The following RNF217 variants were observed in gnomAD, a reference collection of about 807,000 sequenced individuals.
RNF217 encodes ring finger protein 217, also known as E3 ubiquitin-protein ligase RNF217.
A neutral mutation model predicts 57.8 loss-of-function variants in RNF217; 31 were observed. That is an observed-to-expected ratio of 0.54 (90% CI 0.40 to 0.72). The LOEUF is 0.72. Among genes scored for constraint, RNF217 ranks in the 30% least tolerant of loss-of-function variants. RNF217 has a pLI of 0.00. For missense variants in RNF217, 696 were observed against 708.3 expected, an observed-to-expected ratio of 0.98 and a Z score of 0.20; for synonymous variants, 313 against 294.0, an observed-to-expected ratio of 1.06 and a Z score of -0.66.
intron 1 of RNF217, among the ~76,000 whole-genome samples, chr6:125,040,761 C>A (rs1253698235): frequency 1.3e-5 from 2 of 152,140 alleles, no homozygotes. Context: ...CGGCTTCATC[C>A]CTGGGATGCA....
Position 125,035,218 on chromosome 6 carries a change from G to A in RNF217, c.883-9993G>A, listed in dbSNP as rs910598804. 2.6e-5 allele frequency among the ~76,000 whole-genome samples: 4 copies of A among 151,990 alleles called. No homozygotes were observed. In the South Asian group the frequency reaches 6.2e-4, roughly 24 times the overall value. On this transcript the variant is annotated intron_variant, in intron 1 of 5. Coordinates refer to ENST00000521654, the MANE Select transcript of RNF217 (RefSeq NM_001286398.3). ...TTCTCCTGCCTAATTGCCCTGGCCA[G>A]AACTTCCAACACTATGTTGAATAGG...
intron 1 of RNF217, among the ~76,000 whole-genome samples, chr6:125,037,045 T>C (rs796294518): frequency 1.3e-5 from 2 of 151,240 alleles, no homozygotes; most frequent in Admixed American, 6.6e-5. Flanking sequence ...CTGATTTTTT[T>C]AATGGATATT....
chr6:125,033,197 C>CTT (rs200597285), intron 1 of RNF217, among the ~76,000 whole-genome samples: 2 of 140,800 alleles, frequency 1.4e-5, no homozygotes. Flanking sequence ...ATTCTGTGTT[C>CTT]TTTTTTTTTT....
At chr6:125,053,556 G>C (rs1021808943) in intron 2 of RNF217, among the ~76,000 whole-genome samples, 1 of 152,008 alleles carries the variant, frequency 6.6e-6, no homozygotes, top group African/African-American at 2.4e-5. Flanking sequence ...TGTGTATAGG[G>C]GTATCTAGAA....
intron 2 of RNF217, chr6:125,048,318 T>C: frequency 7.9e-7 from 1 of 1,264,998 alleles, no homozygotes. Flanking sequence ...TAAAATAAGG[T>C]AGTTCCAAAT....
intron 3 of RNF217, among the ~76,000 whole-genome samples, chr6:125,064,974 T>G (rs1787880154): frequency 6.6e-6 from 1 of 152,098 alleles, no homozygotes; most frequent in Non-Finnish European, 1.5e-5. Context: ...AGTAGTTATA[T>G]AACTGAAAAA....
At position 124,962,982 on chromosome 6, in the gene RNF217, C is replaced by A; in HGVS notation, c.438C>A (p.Val146=). The change falls in exon 1 of 6, where the codon GTC becomes GTA. Residue 146 remains valine, a synonymous_variant. Coordinates refer to ENST00000521654, the MANE Select transcript of RNF217 (RefSeq NM_001286398.3). This position sits in a 1 kb window ranked among gnomAD's most constrained non-coding sequence, Gnocchi z 4.6. ...RTRVGAADGL[V]LDVLGQRRPS... ...GCGTGGGGGCCGCCGACGGACTGGT[C>A]CTGGACGTGCTGGGTCAGCGGCGCC... The A allele has an allele frequency of 6.3e-7, 1 of 1,597,112 alleles. No homozygotes were observed. The highest frequency in any genetic ancestry group is 8.5e-7 in the Non-Finnish European group (1 of 1,179,294).
intron 1 of RNF217, among the ~76,000 whole-genome samples, chr6:125,006,698 C>T (rs932104448): frequency 1.4e-4 from 22 of 152,290 alleles, no homozygotes; most frequent in Non-Finnish European, 3.1e-4. Flanking sequence ...CCTGTAATCC[C>T]AGCACTTTGG....
chr6:124,966,448 A>C (rs941107049), intron 1 of RNF217, among the ~76,000 whole-genome samples: 4 of 152,216 alleles, frequency 2.6e-5, no homozygotes, highest in Admixed American at 6.5e-5. Context: ...TCATCTTAAA[A>C]GGTCTCTTAG....
intron 1 of RNF217, among the ~76,000 whole-genome samples, chr6:124,999,366 A>G (rs892754758): frequency 1.3e-5 from 2 of 152,084 alleles, no homozygotes; most frequent in Admixed American, 6.6e-5. Context: ...GTTTCACTGC[A>G]TGCTTTCTGT....
intron 1 of RNF217, among the ~76,000 whole-genome samples, chr6:125,014,909 A>G (rs1021934076): frequency 6.6e-6 from 1 of 152,148 alleles, no homozygotes; most frequent in Admixed American, 6.6e-5. Context: ...CCCCTTCCTA[A>G]TAAACCATGT....
chr6:125,033,349 C>T (rs563212036), intron 1 of RNF217, among the ~76,000 whole-genome samples: 2 of 117,512 alleles, frequency 1.7e-5, no homozygotes, highest in East Asian at 3.0e-4. Flanking sequence ...CCCCCCTCCC[C>T]CCACCCCACA....
intron 1 of RNF217, among the ~76,000 whole-genome samples, chr6:124,965,374 G>C (rs1321849008): frequency 6.6e-6 from 1 of 152,146 alleles, no homozygotes; most frequent in Non-Finnish European, 1.5e-5. Flanking sequence ...GGGAGTTCAA[G>C]ACCAGCCTGA....
At chr6:125,082,752 GTCT>G (rs1488922826) in intron 5 of RNF217, 109 bp from the exon 6 acceptor site, 18 of 1,142,902 alleles carry the variant, frequency 1.6e-5, no homozygotes, top group South Asian at 1.1e-4. Flanking sequence ...TAGCATAGAT[GTCT>G]TCTTCTTTGT....
chr6:124,985,809 A>G lies in RNF217; in HGVS notation c.882+22383A>G, dbSNP rs9388395. On this transcript the variant is annotated intron_variant, in intron 1 of 5. Coordinates refer to ENST00000521654, the MANE Select transcript of RNF217 (RefSeq NM_001286398.3). ...CTTTATCTCTAAGGTTGTACTTTTT[A>G]TATAAAAAACCAGGAAGCAGAATGA... Among the ~76,000 whole-genome samples, 5 of 152,300 alleles carry G rather than the reference A, an allele frequency of 3.3e-5. No homozygotes were observed. In the East Asian group the frequency reaches 5.8e-4, roughly 18 times the overall value.
chr6:124,996,024 G>C (rs985850689), intron 1 of RNF217, among the ~76,000 whole-genome samples: 3 of 151,830 alleles, frequency 2.0e-5, no homozygotes, highest in African/African-American at 7.3e-5. Context: ...AATTTTTCCA[G>C]ATTTTTTAAA....
chr6:125,059,802 T>C (rs1787663249), intron 3 of RNF217, among the ~76,000 whole-genome samples: 1 of 152,166 alleles, frequency 6.6e-6, no homozygotes, highest in Non-Finnish European at 1.5e-5. Flanking sequence ...AAAGCATAAA[T>C]GCTGGTTCCC....
chr6:124,990,616 G>T (rs913397563), intron 1 of RNF217, among the ~76,000 whole-genome samples: 1 of 152,074 alleles, frequency 6.6e-6, no homozygotes, highest in African/African-American at 2.4e-5. Context: ...ATGTGTGATT[G>T]TTAGATCTAC....
intron 1 of RNF217, among the ~76,000 whole-genome samples, chr6:124,967,653 T>C (rs886515630): frequency 1.3e-5 from 2 of 152,202 alleles, no homozygotes; most frequent in African/African-American, 4.8e-5. Flanking sequence ...TGCTAGATGA[T>C]AAAGTCCTAA....
Sources: allele counts gnomAD v4.1 joint callset (sites outside exome capture counted in the v4.1 genomes callset), GRCh38; gene constraint gnomAD v4.1.1; non-coding constraint Gnocchi (gnomAD v3.1); transcripts MANE v1.5; gene names NCBI Gene and HGNC (gene_info 2026-07-23, HGNC 2026-07-21).